CTNNA1: variants seen among roughly 807,000 people sequenced by gnomAD.
CTNNA1 encodes the protein catenin alpha-1.
CTNNA1 carries 37 observed loss-of-function variants against 98.4 expected under a neutral mutation model. The observed-to-expected ratio is 0.38, with a 90% CI of 0.29 to 0.49. CTNNA1 has a LOEUF of 0.49. CTNNA1 is among the 20% of genes least tolerant of loss of function. The pLI is 0.95. For missense variants in CTNNA1, 761 were observed against 1,147.2 expected, an observed-to-expected ratio of 0.66 and a Z score of 4.86; for synonymous variants, 404 against 413.2, an observed-to-expected ratio of 0.98 and a Z score of 0.27.
At chr5:138,797,020 C>T (rs1757057748) in intron 3 of CTNNA1, among the ~76,000 whole-genome samples, 1 of 152,142 alleles carries the variant, frequency 6.6e-6, no homozygotes, top group Admixed American at 6.5e-5. Context: ...TACCACTTGG[C>T]TTACTCTTAT....
intron 5 of CTNNA1, among the ~76,000 whole-genome samples, chr5:138,824,282 A>G (rs28363403): frequency 8.0e-4 from 122 of 152,290 alleles, no homozygotes; most frequent in African/African-American, 2.8e-3. Flanking sequence ...AGGTCATAAA[A>G]TAGCCAGGAG....
At chr5:138,867,120 T>C (rs1336613627) in intron 7 of CTNNA1, among the ~76,000 whole-genome samples, 1 of 152,250 alleles carries the variant, frequency 6.6e-6, no homozygotes. Context: ...CTATCAAGTA[T>C]AGGAATGTGT....
intron 7 of CTNNA1, among the ~76,000 whole-genome samples, chr5:138,841,308 G>A (rs897101805): frequency 6.6e-6 from 1 of 152,156 alleles, no homozygotes; most frequent in Non-Finnish European, 1.5e-5. Context: ...CACCTGGGCT[G>A]GAGTGCAATG....
At chr5:138,789,505 C>T (rs950020142) in intron 3 of CTNNA1, among the ~76,000 whole-genome samples, 2 of 151,940 alleles carry the variant, frequency 1.3e-5, no homozygotes, top group South Asian at 2.1e-4. Flanking sequence ...TCGTCCAGGC[C>T]GGAATGCAGT....
intron 9 of CTNNA1, among the ~76,000 whole-genome samples, chr5:138,898,243 T>G (rs1757321119): frequency 6.7e-6 from 1 of 150,078 alleles, no homozygotes; most frequent in Middle Eastern, 3.2e-3. Context: ...ATTGGAAATT[T>G]CCTGAGGCCT....
At chr5:138,875,847 G>C (rs1751375179) in intron 7 of CTNNA1, 2 of 474,990 alleles carry the variant, frequency 4.2e-6, no homozygotes, top group South Asian at 8.9e-5. Flanking sequence ...TGATAAACTA[G>C]CTAAGTGGGC....
rs1766058362 is a variant in CTNNA1, at chr5:138,934,214, C to CCAGT, written c.*127_*130dup. ...TCCACAGGGAAATGGGCAGACTGAA[C>CCAGT]CAGTCCAGGTGGTGAATTTTCCAAG... is the stretch of plus-strand genomic sequence containing the variant. On this transcript the variant is annotated 3_prime_UTR_variant, in exon 18 of 18. Coordinates refer to ENST00000302763, the MANE Select transcript of CTNNA1 (RefSeq NM_001903.5). The CCAGT allele has an allele frequency of 1.4e-6, 1 of 701,284 alleles. No individual in the cohort carries two copies. 43.4% of individuals were successfully genotyped at this position (701,284 alleles called of 1,614,324 possible).
At chr5:138,830,010 C>CAAAA (rs891379014) in intron 7 of CTNNA1, among the ~76,000 whole-genome samples, 1 of 151,876 alleles carries the variant, frequency 6.6e-6, no homozygotes, top group Non-Finnish European at 1.5e-5. Flanking sequence ...ACTAAAAATA[C>CAAAA]AAAAAAATTA....
intron 1 of CTNNA1, among the ~76,000 whole-genome samples, chr5:138,760,009 T>A (rs902628159): frequency 3.2e-4 from 37 of 116,030 alleles, no homozygotes; most frequent in East Asian, 1.0e-3. Context: ...TTTTTTTTTT[T>A]ATGAGATGGA....
intron 7 of CTNNA1, among the ~76,000 whole-genome samples, chr5:138,885,869 G>A (rs916314362): frequency 1.3e-5 from 2 of 152,144 alleles, no homozygotes; most frequent in African/African-American, 4.8e-5. Context: ...TTCAAGGAGA[G>A]CTGCTTCATT....
chr5:138,795,761 T>C (rs1479873041), intron 3 of CTNNA1, among the ~76,000 whole-genome samples: 1 of 152,176 alleles, frequency 6.6e-6, no homozygotes, highest in African/African-American at 2.4e-5. Context: ...CTTTTTTTTT[T>C]CTTCCTCTAG....
intron 1 of CTNNA1, among the ~76,000 whole-genome samples, chr5:138,780,774 C>A (rs1349193243): frequency 3.3e-5 from 5 of 152,144 alleles, no homozygotes; most frequent in South Asian, 2.1e-4. Flanking sequence ...CCTTGGCTTC[C>A]CAAAGTGCTG....
intron 9 of CTNNA1, among the ~76,000 whole-genome samples, chr5:138,888,893 G>A (rs896493098): frequency 6.6e-5 from 10 of 152,076 alleles, no homozygotes; most frequent in African/African-American, 1.4e-4. Context: ...TAGTCACATC[G>A]TGCATTACTA....
At chr5:138,860,448 A>C (rs1471625340) in intron 7 of CTNNA1, among the ~76,000 whole-genome samples, 1 of 152,190 alleles carries the variant, frequency 6.6e-6, no homozygotes, top group Non-Finnish European at 1.5e-5. Context: ...TTAGATTTTC[A>C]TGTGGAATAA....
At chr5:138,765,476 C>T (rs1387847064) in intron 1 of CTNNA1, among the ~76,000 whole-genome samples, 1 of 152,158 alleles carries the variant, frequency 6.6e-6, no homozygotes, top group Admixed American at 6.5e-5. Flanking sequence ...GCCACTGTGC[C>T]TGGCCATTTT....
At chr5:138,810,277 A>G in intron 4 of CTNNA1, 73 bp downstream of exon 4, 1 of 1,514,336 alleles carries the variant, frequency 6.6e-7, no homozygotes, top group Admixed American at 1.8e-5. Flanking sequence ...TTAGTTCAGT[A>G]TTCCTTAGGA....
At chr5:138,843,872 G>A (rs1157064729) in intron 7 of CTNNA1, among the ~76,000 whole-genome samples, 1 of 152,138 alleles carries the variant, frequency 6.6e-6, no homozygotes, top group Non-Finnish European at 1.5e-5. Flanking sequence ...TATTCAATTT[G>A]GGTTTCTGGA....
At chr5:138,853,495 T>TA (rs35324398) in intron 7 of CTNNA1, among the ~76,000 whole-genome samples, 5,161 of 145,084 alleles carry the variant, frequency 0.036, 238 homozygotes, top group African/African-American at 0.11. Flanking sequence ...AGTATATACT[T>TA]AAAAAAAAAA....
At chr5:138,764,868 CTTT>C (rs35354499) in intron 1 of CTNNA1, among the ~76,000 whole-genome samples, 2 of 84,920 alleles carry the variant, frequency 2.4e-5, no homozygotes, top group Non-Finnish European at 2.1e-5. Flanking sequence ...GTATCTCTCT[CTTT>C]TTTTTTTTTT....
Sources: allele counts gnomAD v4.1 joint callset (sites outside exome capture counted in the v4.1 genomes callset), GRCh38; gene constraint gnomAD v4.1.1; transcripts MANE v1.5; gene names NCBI Gene and HGNC (gene_info 2026-07-23, HGNC 2026-07-21).